Variants in RFC3 observed in about 807,000 individuals in gnomAD.
The protein encoded by RFC3 is A1 38 kDa subunit.
Under a neutral mutation model 45.1 loss-of-function variants are expected in RFC3, and 41 were observed. The ratio of observed to expected loss-of-function variants is 0.91; its 90% CI spans 0.71 to 1.18. The LOEUF is 1.18. Ranked by LOEUF, RFC3 falls within the 50% of genes most tolerant of loss-of-function variation. RFC3 has a pLI of 0.00. For missense variants in RFC3, 423 were observed against 428.1 expected, an observed-to-expected ratio of 0.99 and a Z score of 0.10; for synonymous variants, 149 against 144.0, an observed-to-expected ratio of 1.03 and a Z score of -0.25.
At chr13:33,900,617 A>G (rs753208902) in intron 8 of RFC3, among the ~76,000 whole-genome samples, 2 of 151,934 alleles carry the variant, frequency 1.3e-5, no homozygotes, top group Non-Finnish European at 2.9e-5. Flanking sequence ...TAAGACATTG[A>G]TCTGGGCAAA....
intron 8 of RFC3, among the ~76,000 whole-genome samples, chr13:33,962,230 G>C (rs1324446263): frequency 6.6e-6 from 1 of 152,156 alleles, no homozygotes; most frequent in Non-Finnish European, 1.5e-5. Flanking sequence ...GAGCTATGAG[G>C]GGGGATATGT....
intron 8 of RFC3, among the ~76,000 whole-genome samples, chr13:33,843,401 G>C (rs141506732): frequency 6.6e-6 from 1 of 152,248 alleles, no homozygotes; most frequent in Non-Finnish European, 1.5e-5. Context: ...ACACTATATG[G>C]TACCTTTGTG....
At chr13:33,855,787 G>A (rs1269534428) in intron 8 of RFC3, among the ~76,000 whole-genome samples, 1 of 152,088 alleles carries the variant, frequency 6.6e-6, no homozygotes, top group African/African-American at 2.4e-5. Flanking sequence ...TTTGAAAAGT[G>A]TCTGTTCATG....
chr13:33,835,955 A>G (rs539562387), intron 8 of RFC3, 149 bp from the exon 9 acceptor site: 1 of 840,226 alleles, frequency 1.2e-6, no homozygotes, highest in Non-Finnish European at 1.7e-6. Flanking sequence ...TTGCTTTTGG[A>G]TGAAGGTCGT....
intron 8 of RFC3, among the ~76,000 whole-genome samples, chr13:33,942,417 A>G (rs2082930512): frequency 6.6e-6 from 1 of 152,160 alleles, no homozygotes; most frequent in Admixed American, 6.5e-5. Flanking sequence ...TAATCAAATC[A>G]GGGTAATTGG....
At chr13:33,950,104 CA>C (rs1434609055) in intron 8 of RFC3, among the ~76,000 whole-genome samples, 21 of 151,370 alleles carry the variant, frequency 1.4e-4, no homozygotes, top group South Asian at 8.4e-4. Context: ...CACACACACA[CA>C]CCCCGTTATG....
chr13:33,956,364 T>C (rs1469240741), intron 8 of RFC3, among the ~76,000 whole-genome samples: 1 of 152,186 alleles, frequency 6.6e-6, no homozygotes, highest in Admixed American at 6.5e-5. Flanking sequence ...ACAGCAGTGA[T>C]TTCTGGGCCC....
intron 8 of RFC3, among the ~76,000 whole-genome samples, chr13:33,914,610 A>G (rs1364351498): frequency 6.6e-6 from 1 of 152,178 alleles, no homozygotes; most frequent in East Asian, 1.9e-4. Flanking sequence ...TAATTCAGCC[A>G]AAGAAAAAAG....
At chr13:33,967,820 C>T (rs566893214), downstream of RFC3, among the ~76,000 whole-genome samples, 2 of 152,030 alleles carry the variant, frequency 1.3e-5, no homozygotes, top group African/African-American at 4.8e-5. Flanking sequence ...TTTAAACAAG[C>T]AGTTCTCAAA....
chr13:33,911,106 T>C lies in RFC3; in HGVS notation c.880-54981T>C, dbSNP rs1446010358. ...AGAAGAGCACTGAAGAAGAAAGGTT[T>C]TATTTATTAAACGGCAGAAGTAGAC... On this transcript the variant is annotated intron_variant, in intron 8 of 8. Coordinates refer to the RFC3 transcript ENST00000434425. Among the ~76,000 whole-genome samples the C allele has an allele frequency of 3.9e-5, 6 of 152,070 alleles. No homozygotes were observed. The East Asian group carries it at 1.2e-3, about 29-fold the overall frequency.
chr13:33,958,984 T>A (rs1005705808), intron 8 of RFC3, among the ~76,000 whole-genome samples: 2 of 152,208 alleles, frequency 1.3e-5, no homozygotes, highest in Non-Finnish European at 2.9e-5. Flanking sequence ...TCCACAGAAC[T>A]ATTATTTTAA....
intron 8 of RFC3, among the ~76,000 whole-genome samples, chr13:33,876,899 A>G (rs138728659): frequency 2.0e-5 from 3 of 152,348 alleles, no homozygotes; most frequent in Non-Finnish European, 4.4e-5. Context: ...CTTTCTGTTC[A>G]GATGATAAAC....
intron 8 of RFC3, among the ~76,000 whole-genome samples, chr13:33,957,003 C>A (rs1019911626): frequency 6.6e-6 from 1 of 152,154 alleles, no homozygotes; most frequent in African/African-American, 2.4e-5. Context: ...TATCTACCTA[C>A]TATCTATTAT....
intron 8 of RFC3, among the ~76,000 whole-genome samples, chr13:33,885,509 T>C (rs1281231734): frequency 6.6e-6 from 1 of 152,150 alleles, no homozygotes. Flanking sequence ...GCCATCTAGG[T>C]TTCATTATTT....
chr13:33,964,247 G>A (rs893322383), intron 8 of RFC3, among the ~76,000 whole-genome samples: 2 of 152,160 alleles, frequency 1.3e-5, no homozygotes, highest in Non-Finnish European at 2.9e-5. Flanking sequence ...TGTCTAGAGA[G>A]CTCATGAAAA....
At chr13:33,919,491 C>T (rs1459581926) in intron 8 of RFC3, among the ~76,000 whole-genome samples, 1 of 152,014 alleles carries the variant, frequency 6.6e-6, no homozygotes, top group Non-Finnish European at 1.5e-5. Flanking sequence ...ATCTGTTACA[C>T]CAATTATATT....
At chr13:33,878,312 T>C (rs1354668262) in intron 8 of RFC3, among the ~76,000 whole-genome samples, 1 of 152,126 alleles carries the variant, frequency 6.6e-6, no homozygotes, top group East Asian at 1.9e-4. Flanking sequence ...ACAGGACTAG[T>C]TAGGAGGGAC....
intron 8 of RFC3, among the ~76,000 whole-genome samples, chr13:33,937,438 A>T (rs565337998): frequency 1.1e-4 from 16 of 152,254 alleles, no homozygotes; most frequent in South Asian, 4.1e-4. Context: ...ACAATTTTTT[A>T]AAAAATTGTG....
At chr13:33,961,009 A>T (rs1358900120) in intron 8 of RFC3, among the ~76,000 whole-genome samples, 1 of 152,234 alleles carries the variant, frequency 6.6e-6, no homozygotes, top group Non-Finnish European at 1.5e-5. Context: ...CACCCAATTA[A>T]GTTTGAATCT....
Sources: allele counts gnomAD v4.1 joint callset (sites outside exome capture counted in the v4.1 genomes callset), GRCh38; gene constraint gnomAD v4.1.1; transcripts MANE v1.5; gene names NCBI Gene and HGNC (gene_info 2026-07-23, HGNC 2026-07-21).